Variants in AP3D1 observed in about 807,000 individuals in gnomAD.
AP3D1 encodes AP-3 complex subunit delta-1.
AP3D1 carries 51 observed loss-of-function variants against 147.6 expected under a neutral mutation model. The ratio of observed to expected loss-of-function variants is 0.35; its 90% CI spans 0.28 to 0.44. The LOEUF (loss-of-function observed/expected upper bound fraction) is 0.44, where lower values mean the gene tolerates loss of function less well. AP3D1 is among the 20% of genes least tolerant of loss of function. The pLI, the probability that AP3D1 is intolerant of heterozygous loss-of-function variation, is 1.00. For synonymous variants in AP3D1, 760 were observed against 663.0 expected (o/e 1.15, Z -2.25); for missense variants, 1,421 against 1,624.2 (o/e 0.87, Z 2.15).
At chr19:2,142,755 G>GTT (rs11311779) in intron 1 of AP3D1, among the ~76,000 whole-genome samples, 19 of 145,606 alleles carry the variant, frequency 1.3e-4, no homozygotes, top group African/African-American at 3.5e-4. Context: ...GGTTTTTTCT[G>GTT]TTTTTTTTTT....
intron 4 of AP3D1, among the ~76,000 whole-genome samples, chr19:2,134,345 T>C (rs2019023753): frequency 6.6e-6 from 1 of 151,608 alleles, no homozygotes; most frequent in Admixed American, 6.6e-5. Context: ...CGCTTGAGCC[T>C]AGGAGGTCGA....
intron 9 of AP3D1, 81 bp from the exon 10 acceptor site, chr19:2,123,960 AC>A: frequency 3.4e-6 from 5 of 1,460,714 alleles, no homozygotes; most frequent in Non-Finnish European, 4.7e-6. Context: ...GGGCACCAGC[AC>A]CCCCTCGCCG....
At chr19:2,140,392 G>A (rs1424440619) in intron 1 of AP3D1, among the ~76,000 whole-genome samples, 1 of 152,058 alleles carries the variant, frequency 6.6e-6, no homozygotes, top group African/African-American at 2.4e-5. Flanking sequence ...ACCATTTCTA[G>A]TGGCCTGAAA....
At chr19:2,139,059 CAAAAAAAAAAAAAAA>C (rs60728832) in intron 1 of AP3D1, among the ~76,000 whole-genome samples, 1 of 61,654 alleles carries the variant, frequency 1.6e-5, no homozygotes, top group Non-Finnish European at 3.1e-5. Context: ...GACTCCGTCT[CAAAAAAAAAAAAAAA>C]AAAAAAAAAA....
chr19:2,111,350 G>A lies in AP3D1; in HGVS notation c.2938-18C>T, dbSNP rs762618929. Reference sequence around the variant, plus strand: ...GACTCAGGCTGGAAATAGAAAAGGCGCATCAGCCTTGGGGGCCCCGAGCTC... The same window carrying A: ...GACTCAGGCTGGAAATAGAAAAGGCACATCAGCCTTGGGGGCCCCGAGCTC... On this transcript the variant is annotated intron_variant, in intron 25 of 31. Coordinates refer to ENST00000643116, the MANE Select transcript of AP3D1 (RefSeq NM_001261826.3). 2.8e-5 allele frequency: 45 copies of A among 1,613,710 alleles called. No individual in the cohort carries two copies. Among genetic ancestry groups the A allele is most frequent in the Non-Finnish European group, 3.6e-5 (43 of 1,180,000 alleles).
chr19:2,108,840 C>T, intron 30 of AP3D1, 74 bp from the exon 31 acceptor site: 3 of 1,484,590 alleles, frequency 2.0e-6, no homozygotes, highest in Non-Finnish European at 2.7e-6. Flanking sequence ...GCAGGGGCCA[C>T]CTTCTTGGGC....
chr19:2,123,961 C>G, intron 9 of AP3D1, 82 bp from the exon 10 acceptor site: 1 of 1,455,310 alleles, frequency 6.9e-7, no homozygotes, highest in Non-Finnish European at 9.4e-7. Context: ...GGCACCAGCA[C>G]CCCCTCGCCG....
intron 22 of AP3D1, 34 bp downstream of exon 22, chr19:2,114,091 T>C: frequency 1.3e-6 from 2 of 1,540,392 alleles, no homozygotes; most frequent in East Asian, 4.8e-5. Flanking sequence ...GGGAGGGGAA[T>C]GGAGAAGGCC....
chr19:2,119,898 C>T (rs555323116), intron 14 of AP3D1, among the ~76,000 whole-genome samples: 6 of 150,744 alleles, frequency 4.0e-5, no homozygotes, highest in East Asian at 2.0e-4. Context: ...GCCGAGATCA[C>T]GCCACTGCAC....
chr19:2,117,920 G>C (rs1434982062), intron 15 of AP3D1, among the ~76,000 whole-genome samples: 1 of 152,246 alleles, frequency 6.6e-6, no homozygotes, highest in African/African-American at 2.4e-5. Flanking sequence ...TGCACTTTGG[G>C]AGGCTGTGGA....
chr19:2,127,343 C>G lies in AP3D1; in HGVS notation c.807-142G>C. On this transcript the variant is annotated intron_variant, in intron 8 of 31. Coordinates refer to ENST00000643116, the MANE Select transcript of AP3D1 (RefSeq NM_001261826.3). ...CCCAGGAGGGAGCCCGTGCCTTGCT[C>G]TCCAAGGCCTGTGGTGCTCGGCTGG... The G allele has an allele frequency of 4.9e-6, 4 of 821,416 alleles. No homozygotes were observed. The South Asian group carries it at 6.4e-5, about 13-fold the overall frequency. The allele number at this position is 821,416 out of a possible 1,614,324, so 50.9% of individuals were successfully genotyped here. A position where few individuals can be genotyped will look rare whatever the true frequency, so the allele number is the denominator to read the frequency against.
chr19:2,126,749 G>A (rs1394352589), intron 9 of AP3D1, among the ~76,000 whole-genome samples: 1 of 152,138 alleles, frequency 6.6e-6, no homozygotes, highest in Non-Finnish European at 1.5e-5. Flanking sequence ...TGTCTCAGGA[G>A]TGCTTTAAAG....
chr19:2,160,220 G>T (rs2019685074), intron 1 of AP3D1, among the ~76,000 whole-genome samples: 1 of 152,130 alleles, frequency 6.6e-6, no homozygotes, highest in African/African-American at 2.4e-5. Context: ...AATGGCTCAG[G>T]AAAGAGATGT....
rs148099903 is a variant in AP3D1 at position 2,144,145 on chromosome 19, G to A, written c.97-5431C>T. Among the ~76,000 whole-genome samples the A allele has an allele frequency of 3.5e-3, 533 of 151,282 alleles. 1 individual carries two copies. The highest frequency in any genetic ancestry group is 0.012 in the African/African-American group (509 of 41,234). On this transcript the variant is annotated intron_variant, in intron 1 of 31. Transcript: ENST00000643116. ...GTAACTGAGTCAGGAAAGGGGACGC[G>A]CCGGCGAAGTGGTCCATCCTGCCCA...
intron 1 of AP3D1, among the ~76,000 whole-genome samples, chr19:2,156,811 T>G (rs2019649065): frequency 6.6e-6 from 1 of 151,858 alleles, no homozygotes; most frequent in Admixed American, 6.6e-5. Flanking sequence ...ATTGCACCAC[T>G]GCACTCCAGC....
rs777101397 is a variant in AP3D1 at position 2,114,133 on chromosome 19, CCTT to C, written c.2590_2592del (p.Lys864del). ...CTGGGCACTAGCCTTACCTTCTTCT[CCTT>C]CTCCTTCTTCTTCTCCTTGTCTCTC... On this transcript the variant is annotated inframe_deletion, in exon 22 of 32. Transcript: ENST00000643116. 32 of 1,540,182 alleles carry C rather than the reference CCTT, an allele frequency of 2.1e-5. No homozygotes were observed. In the South Asian group the frequency reaches 2.5e-4, roughly 12 times the overall value.
At chr19:2,137,702 C>G in intron 3 of AP3D1, 25 bp downstream of exon 3, 1 of 1,608,980 alleles carries the variant, frequency 6.2e-7, no homozygotes, top group Non-Finnish European at 8.5e-7. Flanking sequence ...CCCACCCCAC[C>G]AGCCTTGCCG....
chr19:2,163,661 G>C (rs1039205303), intron 1 of AP3D1, among the ~76,000 whole-genome samples: 1 of 152,062 alleles, frequency 6.6e-6, no homozygotes, highest in Admixed American at 6.6e-5. Context: ...GACGGGATTC[G>C]AACCCGCTAT....
intron 1 of AP3D1, among the ~76,000 whole-genome samples, chr19:2,147,140 T>C (rs1436485390): frequency 6.6e-6 from 1 of 151,170 alleles, no homozygotes; most frequent in Non-Finnish European, 1.5e-5. Context: ...AGGTCGGGAG[T>C]TCAAGACCAG....
Sources: gnomAD v4.1 joint callset for allele counts (sites outside exome capture counted in the v4.1 genomes callset) on GRCh38, gnomAD v4.1.1 for gene constraint, MANE v1.5 for transcripts, NCBI Gene and HGNC (gene_info 2026-07-23, HGNC 2026-07-21) for gene names.